The following PTPRH variants were observed in gnomAD, a reference collection of about 807,000 sequenced individuals.
PTPRH encodes the protein receptor-type tyrosine-protein phosphatase H.
PTPRH carries 113 observed loss-of-function variants against 130.2 expected under a neutral mutation model. The observed-to-expected ratio is 0.87, with a 90% CI of 0.75 to 1.01. PTPRH has a LOEUF of 1.01. Among genes scored for constraint, PTPRH ranks in the 50% least tolerant of loss-of-function variants. PTPRH has a pLI of 0.00. For missense variants in PTPRH, 1,430 were observed against 1,425.0 expected (o/e 1.00, Z -0.06); for synonymous variants, 556 against 577.9 (o/e 0.96, Z 0.54).
Position 55,200,472 on chromosome 19 carries a change from T to C in PTPRH, c.1184A>G (p.Glu395Gly). 3 of 1,614,082 alleles carry C rather than the reference T, an allele frequency of 1.9e-6. No individual in the cohort carries two copies. Among genetic ancestry groups the C allele is most frequent in the South Asian group, 1.1e-5 (1 of 91,068 alleles). The change falls in exon 7 of 20, where the codon GAG becomes GGG. Residue 395 changes from glutamate (E) to glycine (G), a missense_variant. Transcript: ENST00000376350. ...APNPVRNLHMETQTNSSIALC... is the reference protein window; with the variant it reads ...APNPVRNLHMGTQTNSSIALC... ...GGCGATGGAGCTGTTGGTCTGAGTC[T>C]CCATATGGAGGTTTCTCACTGGGTT...
At chr19:55,204,973 T>C (rs1328985948) in intron 4 of PTPRH, among the ~76,000 whole-genome samples, 3 of 152,164 alleles carry the variant, frequency 2.0e-5, no homozygotes, top group Admixed American at 2.0e-4. Flanking sequence ...CCATCCTCAA[T>C]ATGTGACGCA....
At chr19:55,200,168 G>C (rs757160973) in intron 7 of PTPRH, 68 bp downstream of exon 7, 113 of 1,561,430 alleles carry the variant, frequency 7.2e-5, no homozygotes, top group Non-Finnish European at 8.9e-5. Flanking sequence ...CCCAGAAGAG[G>C]TGCCACGCCG....
Position 55,209,384 on chromosome 19 carries a change from A to G in PTPRH, c.50T>C (p.Leu17Pro), listed in dbSNP as rs1468679665. 1.3e-6 allele frequency: 2 copies of G among 1,562,040 alleles called. No individual in the cohort carries two copies. The highest frequency in any genetic ancestry group is 1.7e-6 in the Non-Finnish European group (2 of 1,152,682). ...CCGCTCTGGGCGGGGAGCACTTACC[A>G]GCAGCACCAGGTTCCCCCAGACCCC... ...GLGVWGNLVL[L>P]GLCSWTGARA... The change falls in exon 1 of 20, where the codon CTG (leucine) becomes CCG (proline). Residue 17 changes from leucine (L) to proline (P), a missense_variant and splice_region_variant. Leu to Pro is a moderately conservative substitution (Grantham distance 98, BLOSUM62 -3). Transcript: ENST00000376350. This position sits in a 1 kb window ranked among gnomAD's most constrained non-coding sequence, Gnocchi z 4.1.
Position 55,206,879 on chromosome 19 carries a change from A to T in PTPRH, c.162T>A (p.Asp54Glu), listed in dbSNP as rs1294140798. 1 of 1,613,736 alleles carries T rather than the reference A, an allele frequency of 6.2e-7. No individual in the cohort carries two copies. The highest frequency in any genetic ancestry group is 8.5e-7 in the Non-Finnish European group (1 of 1,179,784). Residue 54 changes from aspartate (D) to glutamate (E), a missense_variant, in exon 3 of 20, where the codon GAT (aspartate) becomes GAA (glutamate). Coordinates refer to ENST00000376350, the MANE Select transcript of PTPRH (RefSeq NM_002842.5). ...AGTTGGAGTTCTGTGAGTCTAGGCC[A>T]TCGGGGACCTCCCAGCTCAGGGAGA... ...SSISLSWEVP[D>E]GLDSQNSNYW...
intron 1 of PTPRH, chr19:55,207,404 T>C: frequency 1.7e-6 from 1 of 575,748 alleles, no homozygotes; most frequent in Non-Finnish European, 3.1e-6. Flanking sequence ...GGAGCAGAGC[T>C]TAGGGAGCTG....
At chr19:55,208,203 C>T (rs55912594) in intron 1 of PTPRH, among the ~76,000 whole-genome samples, 1 of 22,908 alleles carries the variant, frequency 4.4e-5, no homozygotes, top group Non-Finnish European at 7.1e-5. Context: ...AGGTTGGGGG[C>T]CTGGACTCCT....
chr19:55,197,434 A>G lies in PTPRH; in HGVS notation c.1691-18T>C, dbSNP rs1351651786. On this transcript the variant is annotated intron_variant, in intron 8 of 19. Coordinates refer to ENST00000376350, the MANE Select transcript of PTPRH (RefSeq NM_002842.5). ...ATTGGGAGCTGAGAAGTGAGAACAGAGGCCTAAGGGGGTATCCTCGAAGAC... is the reference window on the plus strand; with the variant it reads ...ATTGGGAGCTGAGAAGTGAGAACAGGGGCCTAAGGGGGTATCCTCGAAGAC... The G allele has an allele frequency of 2.5e-6, 4 of 1,606,248 alleles. No homozygotes were observed.
At chr19:55,199,881 AGAAG>A (rs2086804502) in intron 7 of PTPRH, among the ~76,000 whole-genome samples, 1 of 151,330 alleles carries the variant, frequency 6.6e-6, no homozygotes, top group Non-Finnish European at 1.5e-5. Flanking sequence ...GGAAGGAAAG[AGAAG>A]GAAAGAAAGA....
In PTPRH at chr19:55,185,676, G is replaced by A. The variant is rs1335785118; in HGVS notation, c.2902-14C>T. 6.2e-7 allele frequency: 1 copy of A among 1,613,000 alleles called. No individual in the cohort carries two copies. The highest frequency in any genetic ancestry group is 8.5e-7 in the Non-Finnish European group (1 of 1,179,298). ...CTGCTCCTCCACCTGGAAGGAGGGA[G>A]CACTCACAGGCTCTGGAGATGAATG... On this transcript the variant is annotated splice_polypyrimidine_tract_variant and intron_variant, in intron 17 of 19. Transcript: ENST00000376350.
At chr19:55,204,558 G>C (rs959179698) in intron 4 of PTPRH, among the ~76,000 whole-genome samples, 1 of 152,158 alleles carries the variant, frequency 6.6e-6, no homozygotes, top group African/African-American at 2.4e-5. Flanking sequence ...CACTCAGCAG[G>C]GCTAGGATGG....
chr19:55,192,198 C>T (rs377393151), intron 10 of PTPRH: 3 of 348,656 alleles, frequency 8.6e-6, no homozygotes, highest in East Asian at 1.6e-4. Flanking sequence ...GTCAGGAGAT[C>T]GAGACCATCC....
At position 55,200,306 on chromosome 19, in the gene PTPRH, C is replaced by A; in HGVS notation, c.1350G>T (p.Leu450Phe). 1.2e-6 allele frequency: 2 copies of A among 1,614,206 alleles called. No individual in the cohort carries two copies. The highest frequency in any genetic ancestry group is 1.7e-6 in the Non-Finnish European group (2 of 1,180,044). Reference sequence around the variant, plus strand: ...TTTCTGCCCATACAGAGAATGTGTACAAGGTTCCGGGCTCAAGTCTCTCAG... The same window carrying A: ...TTTCTGCCCATACAGAGAATGTGTAAAAGGTTCCGGGCTCAAGTCTCTCAG... ...VTAERLEPGTLYTFSVWAEKN... is the reference protein window; with the variant it reads ...VTAERLEPGTFYTFSVWAEKN... Residue 450 changes from leucine to phenylalanine, a missense_variant, in exon 7 of 20, where the codon TTG (leucine) becomes TTT (phenylalanine). Leu to Phe is a conservative substitution (Grantham distance 22). Transcript: ENST00000376350.
Position 55,187,569 on chromosome 19 carries a change from A to T in PTPRH, c.2510T>A (p.Met837Lys). The T allele has an allele frequency of 1.9e-6, 3 of 1,613,306 alleles. No homozygotes were observed. The highest frequency in any genetic ancestry group is 2.5e-6 in the Non-Finnish European group (3 of 1,179,602). The change falls in exon 14 of 20, where the codon ATG becomes AAG. Residue 837 changes from methionine to lysine, a missense_variant. Transcript: ENST00000376350. The part of the protein sequence containing the change: ...LSLVGHSQSQ[M>K]VASASENNAK... ...GTTGTTCTCTGAAGCCGAAGCCACC[A>T]TCTGAGACTGGCTGTGGCCCACCAG...
Position 55,209,049 on chromosome 19 carries a change from C to A in PTPRH, c.51+334G>T, listed in dbSNP as rs1013342332. Among the ~76,000 whole-genome samples the A allele has an allele frequency of 6.6e-6, 1 of 151,670 alleles. No homozygotes were observed. On this transcript the variant is annotated intron_variant, in intron 1 of 19. Transcript: ENST00000376350. This position sits in a 1 kb window ranked among gnomAD's most constrained non-coding sequence, Gnocchi z 4.1. ...GAGGGAGGAGGGGCTGCTTCCTGTC[C>A]GTGAGCACAGCTGTGTGTTGCCTGA...
chr19:55,209,048 C>G lies in PTPRH; in HGVS notation c.51+335G>C, dbSNP rs961940834. On this transcript the variant is annotated intron_variant, in intron 1 of 19. Coordinates refer to ENST00000376350, the MANE Select transcript of PTPRH (RefSeq NM_002842.5). The surrounding 1 kb of genome is among the most constrained non-coding windows in gnomAD (Gnocchi z 4.1). The stretch of plus-strand genomic sequence containing the variant: ...TGAGGGAGGAGGGGCTGCTTCCTGT[C>G]CGTGAGCACAGCTGTGTGTTGCCTG... Among the ~76,000 whole-genome samples the G allele has an allele frequency of 2.0e-5, 3 of 151,822 alleles. No homozygotes were observed. Among genetic ancestry groups the G allele is most frequent in the Admixed American group, 2.0e-4 (3 of 15,248 alleles).
At chr19:55,185,449 G>A (rs2086290776) in intron 18 of PTPRH, 53 bp downstream of exon 18, 3 of 1,591,812 alleles carry the variant, frequency 1.9e-6, no homozygotes, top group Admixed American at 1.7e-5. Flanking sequence ...ACAACTGTCT[G>A]AGCCCCAAGG....
At chr19:55,187,362 AAAAAAAG>A in intron 14 of PTPRH, 144 bp downstream of exon 14, 2 of 345,872 alleles carry the variant, frequency 5.8e-6, no homozygotes, top group Non-Finnish European at 4.6e-6. Flanking sequence ...AAAAAAAAAG[AAAAAAAG>A]AAAAAAAAAA....
At chr19:55,187,450 G>T (rs1413659953) in intron 14 of PTPRH, 63 bp downstream of exon 14, 13 of 1,368,244 alleles carry the variant, frequency 9.5e-6, no homozygotes, top group Non-Finnish European at 1.4e-5. Flanking sequence ...AGGAGAAGGG[G>T]ACTGGGGTGG....
In PTPRH at chr19:55,196,644, C is replaced by A. The variant is rs1470083472; in HGVS notation, c.2135G>T (p.Cys712Phe). ...ACCCAACACAGACACAGCCTCCCCA[C>A]ATGAAGATCTGTCCTGGGAGCCCCG... is the stretch of plus-strand genomic sequence containing the variant. ...GQRGSQDRSS[C>F]GEAVSVLGLG... Residue 712 changes from cysteine to phenylalanine, a missense_variant, in exon 10 of 20, where the codon TGT becomes TTT. Coordinates refer to ENST00000376350, the MANE Select transcript of PTPRH (RefSeq NM_002842.5). 1 of 1,614,106 alleles carries A rather than the reference C, an allele frequency of 6.2e-7. No homozygotes were observed. The highest frequency in any genetic ancestry group is 8.5e-7 in the Non-Finnish European group (1 of 1,180,026).
Sources: gnomAD v4.1 joint callset for allele counts (sites outside exome capture counted in the v4.1 genomes callset) on GRCh38, gnomAD v4.1.1 for gene constraint, Gnocchi (gnomAD v3.1) non-coding constraint, MANE v1.5 for transcripts, NCBI Gene and HGNC (gene_info 2026-07-23, HGNC 2026-07-21) for gene names.